The following CTNNA2 variants were observed in gnomAD, a reference collection of about 807,000 sequenced individuals.
The protein encoded by CTNNA2 is catenin alpha-2.
Under a neutral mutation model 101.0 loss-of-function variants are expected in CTNNA2, and 42 were observed. The observed-to-expected ratio is 0.42, with a 90% CI of 0.32 to 0.54. The LOEUF is 0.54. Among genes scored for constraint, CTNNA2 ranks in the 20% least tolerant of loss-of-function variants. CTNNA2 has a pLI of 0.14. For missense variants in CTNNA2, 871 were observed against 1,223.1 expected (o/e 0.71, Z 4.29); for synonymous variants, 450 against 456.4 (o/e 0.99, Z 0.18).
intron 7 of CTNNA2, among the ~76,000 whole-genome samples, chr2:80,242,996 C>T (rs1171072071): frequency 1.3e-5 from 2 of 152,138 alleles, no homozygotes; most frequent in Admixed American, 1.3e-4. Flanking sequence ...TGAACACAGG[C>T]CCAAATGCAG....
intron 18 of CTNNA2, among the ~76,000 whole-genome samples, chr2:80,626,952 G>C (rs944471800): frequency 2.0e-5 from 3 of 152,008 alleles, no homozygotes; most frequent in African/African-American, 7.2e-5. Flanking sequence ...CTTATGGTGA[G>C]AATGTGCGGT....
At chr2:80,506,325 A>G (rs934495) in intron 9 of CTNNA2, among the ~76,000 whole-genome samples, 61,542 of 151,924 alleles carry the variant, frequency 0.41, 12,814 homozygotes, top group South Asian at 0.45. Flanking sequence ...GTCGTGGGGA[A>G]ATAGGTTCCA....
intron 7 of CTNNA2, among the ~76,000 whole-genome samples, chr2:80,127,326 G>C (rs945370692): frequency 6.6e-6 from 1 of 152,118 alleles, no homozygotes; most frequent in African/African-American, 2.4e-5. Flanking sequence ...TTAGCTTGCT[G>C]TCCCTGTAGA....
intron 7 of CTNNA2, among the ~76,000 whole-genome samples, chr2:80,084,933 G>T: frequency 6.6e-6 from 1 of 152,096 alleles, no homozygotes; most frequent in East Asian, 1.9e-4. Flanking sequence ...TTACAAGGTG[G>T]AGTTTTGATA....
At chr2:79,998,381 T>G (rs549875743) in intron 7 of CTNNA2, among the ~76,000 whole-genome samples, 1 of 152,322 alleles carries the variant, frequency 6.6e-6, no homozygotes, top group Admixed American at 6.5e-5. Context: ...CAATGAATAA[T>G]GTTTTGAGAG....
intron 7 of CTNNA2, among the ~76,000 whole-genome samples, chr2:80,318,036 AC>A (rs1394831045): frequency 6.6e-6 from 1 of 151,564 alleles, no homozygotes; most frequent in Non-Finnish European, 1.5e-5. Flanking sequence ...ACTCCAGACT[AC>A]CCCTCACCCC....
chr2:79,343,005 T>G (rs1677171688), intron 3 of CTNNA2, among the ~76,000 whole-genome samples: 2 of 152,202 alleles, frequency 1.3e-5, no homozygotes, highest in African/African-American at 4.8e-5. Flanking sequence ...ATCTTAAAAA[T>G]GTTCACTGAC....
intron 18 of CTNNA2, among the ~76,000 whole-genome samples, chr2:80,643,099 A>AATCATAATAATTAGCAG (rs1289654517): frequency 1.3e-5 from 2 of 152,140 alleles, no homozygotes; most frequent in Non-Finnish European, 2.9e-5. Context: ...GTTTTAAGAG[A>AATCATAATAATTAGCAG]ATCATAATAA....
At chr2:80,206,782 C>A (rs1707562806) in intron 7 of CTNNA2, among the ~76,000 whole-genome samples, 1 of 152,138 alleles carries the variant, frequency 6.6e-6, no homozygotes. Context: ...AATTGATAAA[C>A]CAATTTGTTT....
At chr2:80,014,396 GTTT>G (rs11316106) in intron 7 of CTNNA2, among the ~76,000 whole-genome samples, 26 of 147,490 alleles carry the variant, frequency 1.8e-4, no homozygotes, top group Middle Eastern at 3.5e-3. Flanking sequence ...GATCTCTTCT[GTTT>G]TTTTTTTTTT....
intron 3 of CTNNA2, among the ~76,000 whole-genome samples, chr2:79,328,583 T>C (rs1385275363): frequency 6.6e-6 from 1 of 152,156 alleles, no homozygotes; most frequent in Non-Finnish European, 1.5e-5. Context: ...GCTTTTATGA[T>C]GTTGATCATG....
At chr2:80,230,301 G>A (rs888898835) in intron 7 of CTNNA2, among the ~76,000 whole-genome samples, 2 of 66,132 alleles carry the variant, frequency 3.0e-5, no homozygotes, top group East Asian at 3.8e-4. Flanking sequence ...TTGCTTTGTT[G>A]TTCAGGCTGG....
At chr2:79,916,618 A>G (rs1299664493) in intron 7 of CTNNA2, among the ~76,000 whole-genome samples, 2 of 120,656 alleles carry the variant, frequency 1.7e-5, no homozygotes, top group African/African-American at 6.3e-5. Flanking sequence ...TGTATCACCC[A>G]TGCTGGAGTA....
At position 80,161,523 on chromosome 2, in the gene CTNNA2, TA is replaced by T. The variant is rs200237367; in HGVS notation, c.1057-231685del. Among the ~76,000 whole-genome samples, 112 of 152,284 alleles carry T rather than the reference TA, an allele frequency of 7.4e-4. No homozygotes were observed. In the East Asian group the frequency reaches 0.02, roughly 28 times the overall value. Reference sequence around the variant, plus strand: ...TTTTAAAATTAGAAAACGTTAAGATTAAATTCTTTCAAAGGTTCAAACAAAA... The same window carrying T: ...TTTTAAAATTAGAAAACGTTAAGATTAATTCTTTCAAAGGTTCAAACAAAA... On this transcript the variant is annotated intron_variant, in intron 7 of 18. Transcript: ENST00000402739.
At chr2:80,644,926 T>C (rs3770382) in intron 18 of CTNNA2, among the ~76,000 whole-genome samples, 60,346 of 151,952 alleles carry the variant, frequency 0.4, 12,942 homozygotes, top group East Asian at 0.5. Flanking sequence ...AGAGACAGGC[T>C]CTCATATTTT....
chr2:79,608,037 C>T (rs1046328062), intron 1 of CTNNA2, among the ~76,000 whole-genome samples: 4 of 148,730 alleles, frequency 2.7e-5, no homozygotes, highest in African/African-American at 9.9e-5. Flanking sequence ...TAGAGGGGGG[C>T]GAAAAGTAGA....
intron 7 of CTNNA2, among the ~76,000 whole-genome samples, chr2:80,233,327 A>C (rs1417698748): frequency 1.3e-5 from 2 of 152,072 alleles, no homozygotes; most frequent in Non-Finnish European, 2.9e-5. Flanking sequence ...GAAAAAGAGC[A>C]GATGCCCCCT....
At chr2:79,579,291 C>G (rs1284723040) in intron 1 of CTNNA2, among the ~76,000 whole-genome samples, 1 of 146,574 alleles carries the variant, frequency 6.8e-6, no homozygotes, top group Non-Finnish European at 1.5e-5. Context: ...TCCCCTGCTA[C>G]TTATTTTCTT....
chr2:79,530,572 A>G (rs1672675289), intron 1 of CTNNA2, among the ~76,000 whole-genome samples: 1 of 152,024 alleles, frequency 6.6e-6, no homozygotes, highest in South Asian at 2.1e-4. Context: ...GCAGGAAAGG[A>G]GATCATAAAA....
Sources: gnomAD v4.1 joint callset for allele counts (sites outside exome capture counted in the v4.1 genomes callset) on GRCh38, gnomAD v4.1.1 for gene constraint, MANE v1.5 for transcripts, NCBI Gene and HGNC (gene_info 2026-07-23, HGNC 2026-07-21) for gene names.